CAPZB: variants seen among roughly 807,000 people sequenced by gnomAD.
CAPZB encodes the protein capping actin protein of muscle Z-line subunit beta.
Under a neutral mutation model 38.1 loss-of-function variants are expected in CAPZB, and 2 were observed. The observed-to-expected ratio is 0.05, with a 90% CI of 0.02 to 0.17. The LOEUF is 0.17. CAPZB is among the 10% of genes least tolerant of loss of function. CAPZB has a pLI of 1.00. For missense variants in CAPZB, 161 were observed against 334.2 expected, an observed-to-expected ratio of 0.48 and a Z score of 4.04; for synonymous variants, 107 against 127.4, an observed-to-expected ratio of 0.84 and a Z score of 1.08.
rs214347 is a variant in CAPZB at position 19,357,046 on chromosome 1, G to C, written c.472-295C>G. Among the ~76,000 whole-genome samples the C allele has an allele frequency of 0.32, 48,927 of 151,150 alleles. 8,668 individuals are homozygous for C. The highest frequency in any genetic ancestry group is 0.44 in the Admixed American group (6,777 of 15,230). On this transcript the variant is annotated intron_variant, in intron 5 of 8. Transcript: ENST00000264202. This position sits in a 1 kb window ranked among gnomAD's most constrained non-coding sequence, Gnocchi z 4.3. Reference sequence around the variant, plus strand: ...CTGGCTAATGTTTTTTGTGTTTTTGGTAGAGATGCGGTTTCGCCATATTGG... The same window carrying C: ...CTGGCTAATGTTTTTTGTGTTTTTGCTAGAGATGCGGTTTCGCCATATTGG...
intron 1 of CAPZB, among the ~76,000 whole-genome samples, chr1:19,451,436 C>T (rs559713673): frequency 2.1e-4 from 32 of 152,258 alleles, no homozygotes; most frequent in Admixed American, 2.0e-3. Flanking sequence ...ATGATGTGCT[C>T]TTTATTCCTG....
intron 1 of CAPZB, among the ~76,000 whole-genome samples, chr1:19,474,630 G>C (rs1405487759): frequency 1.3e-5 from 2 of 152,172 alleles, no homozygotes; most frequent in Non-Finnish European, 2.9e-5. Context: ...TAAGTACGGG[G>C]CAGTTTACCA....
chr1:19,454,279 C>A (rs532403153), intron 1 of CAPZB, among the ~76,000 whole-genome samples: 1 of 152,334 alleles, frequency 6.6e-6, no homozygotes, highest in Admixed American at 6.5e-5. Context: ...CTAAGGCAGT[C>A]CCTCAGGTGG....
intron 2 of CAPZB, among the ~76,000 whole-genome samples, chr1:19,396,170 T>A (rs920028411): frequency 6.6e-6 from 1 of 152,216 alleles, no homozygotes; most frequent in East Asian, 1.9e-4. Context: ...GTGACATGCA[T>A]GTGTCTCCCC....
At chr1:19,464,053 G>A (rs1377467891) in intron 1 of CAPZB, among the ~76,000 whole-genome samples, 2 of 151,164 alleles carry the variant, frequency 1.3e-5, no homozygotes, top group Non-Finnish European at 2.9e-5. Context: ...TGGATGTGGT[G>A]GTGCACACCT....
At chr1:19,359,213 T>C (rs1386275304) in intron 4 of CAPZB, among the ~76,000 whole-genome samples, 4 of 46,208 alleles carry the variant, frequency 8.7e-5, no homozygotes, top group African/African-American at 3.9e-4. Context: ...CTGTACTCTT[T>C]TTTTTTTTTT....
chr1:19,470,711 T>C (rs1183154331), intron 1 of CAPZB, among the ~76,000 whole-genome samples: 1 of 152,256 alleles, frequency 6.6e-6, no homozygotes, highest in East Asian at 1.9e-4. Context: ...CAAAGGCTTT[T>C]AAATTCAGAG....
chr1:19,484,835 G>T (rs1448160477), intron 1 of CAPZB: 4 of 305,700 alleles, frequency 1.3e-5, no homozygotes, highest in African/African-American at 4.5e-5. Context: ...GGGCGGAGAA[G>T]AGGAGGTCCA....
intron 1 of CAPZB, among the ~76,000 whole-genome samples, chr1:19,476,232 G>T (rs552928419): frequency 6.7e-6 from 1 of 149,804 alleles, no homozygotes; most frequent in Non-Finnish European, 1.5e-5. Context: ...AGATAGGCAG[G>T]CAGGCAGGCA....
At position 19,480,197 on chromosome 1, in the gene CAPZB, G is replaced by A. The variant is rs369563840; in HGVS notation, c.3+5239C>T. On this transcript the variant is annotated intron_variant, in intron 1 of 8. Coordinates refer to ENST00000264202, the MANE Select transcript of CAPZB (RefSeq NM_004930.5). ...TCTTGCCTCCCCCTCCCAGATTAGAGGACAGGGATGATGGCTTCTATTTGT... is the reference window on the plus strand; with the variant it reads ...TCTTGCCTCCCCCTCCCAGATTAGAAGACAGGGATGATGGCTTCTATTTGT... Among the ~76,000 whole-genome samples the A allele has an allele frequency of 7.2e-5, 11 of 152,274 alleles. No individual in the cohort carries two copies. The East Asian group carries it at 1.5e-3, about 21-fold the overall frequency.
intron 4 of CAPZB, among the ~76,000 whole-genome samples, chr1:19,363,789 GAAGCTGCTCTT>G (rs2094067648): frequency 6.6e-6 from 1 of 152,202 alleles, no homozygotes; most frequent in African/African-American, 2.4e-5. Flanking sequence ...AAGGGGCTTT[GAAGCTGCTCTT>G]TACTCCTTCC....
At chr1:19,471,523 G>C (rs1048891772) in intron 1 of CAPZB, among the ~76,000 whole-genome samples, 7 of 151,888 alleles carry the variant, frequency 4.6e-5, no homozygotes, top group Non-Finnish European at 1.0e-4. Flanking sequence ...GTGATGGGAG[G>C]GCCCTTCGTT....
At chr1:19,403,166 T>A (rs2094312348) in intron 2 of CAPZB, among the ~76,000 whole-genome samples, 1 of 152,200 alleles carries the variant, frequency 6.6e-6, no homozygotes, top group Non-Finnish European at 1.5e-5. Flanking sequence ...CTGACCCTGG[T>A]GCTTCAGCTT....
intron 2 of CAPZB, among the ~76,000 whole-genome samples, chr1:19,409,295 G>A (rs1319352164): frequency 2.0e-5 from 3 of 152,058 alleles, no homozygotes; most frequent in Non-Finnish European, 4.4e-5. Context: ...ATGCCAAGGT[G>A]AGGGGATCCA....
chr1:19,392,994 C>T (rs1369320719), intron 2 of CAPZB, among the ~76,000 whole-genome samples: 1 of 152,146 alleles, frequency 6.6e-6, no homozygotes, highest in African/African-American at 2.4e-5. Context: ...ACATGGCCTC[C>T]ACCAGCCTAT....
At chr1:19,400,228 C>T (rs1490993796) in intron 2 of CAPZB, among the ~76,000 whole-genome samples, 1 of 151,988 alleles carries the variant, frequency 6.6e-6, no homozygotes, top group South Asian at 2.1e-4. Flanking sequence ...CACAGGTCTT[C>T]GTCAATTTCA....
At chr1:19,454,973 G>A (rs991244554) in intron 1 of CAPZB, among the ~76,000 whole-genome samples, 3 of 152,218 alleles carry the variant, frequency 2.0e-5, no homozygotes, top group Admixed American at 6.5e-5. Flanking sequence ...GGGCTGAGTG[G>A]GTGAGTTACA....
intron 1 of CAPZB, among the ~76,000 whole-genome samples, chr1:19,443,205 T>C (rs1241463795): frequency 6.7e-6 from 1 of 149,812 alleles, no homozygotes; most frequent in Non-Finnish European, 1.5e-5. Flanking sequence ...CTGGGCAACA[T>C]ACTGAGATCC....
At chr1:19,403,551 G>A (rs2094314488) in intron 2 of CAPZB, among the ~76,000 whole-genome samples, 1 of 152,252 alleles carries the variant, frequency 6.6e-6, no homozygotes, top group Non-Finnish European at 1.5e-5. Flanking sequence ...CTTCCACCTA[G>A]ATGTGTTCTC....
Sources: allele counts gnomAD v4.1 joint callset (sites outside exome capture counted in the v4.1 genomes callset), GRCh38; gene constraint gnomAD v4.1.1; non-coding constraint Gnocchi (gnomAD v3.1); transcripts MANE v1.5; gene names NCBI Gene and HGNC (gene_info 2026-07-23, HGNC 2026-07-21).